Variants in FBXO11 observed in about 807,000 individuals in gnomAD.
The protein encoded by FBXO11 is F-box only protein 11.
In FBXO11, 13 loss-of-function variants were observed where a neutral mutation model predicts 117.0. That is an observed-to-expected ratio of 0.11 (90% CI 0.07 to 0.18). FBXO11 has a LOEUF of 0.18. Among genes scored for constraint, FBXO11 ranks in the 10% least tolerant of loss-of-function variants. The pLI is 1.00. For synonymous variants in FBXO11, 490 were observed against 380.5 expected (o/e 1.29, Z -3.35); for missense variants, 767 against 1,164.4 (o/e 0.66, Z 4.97).
chr2:47,885,692 T>C (rs1324148045), intron 1 of FBXO11, among the ~76,000 whole-genome samples: 3 of 151,928 alleles, frequency 2.0e-5, no homozygotes, highest in Non-Finnish European at 4.4e-5. Context: ...GGTGGTAGAG[T>C]AAAGCCTTGA....
chr2:47,821,059 T>TA (rs1327359386), intron 13 of FBXO11, among the ~76,000 whole-genome samples: 2 of 152,218 alleles, frequency 1.3e-5, no homozygotes, highest in African/African-American at 4.8e-5. Context: ...AATTAACTAT[T>TA]AAAAAACAGA....
chr2:47,900,619 CACACGTATACACACACGTACGTATAT>C (rs1558486390), intron 1 of FBXO11, among the ~76,000 whole-genome samples: 452 of 39,424 alleles, frequency 0.011, 30 homozygotes, highest in African/African-American at 0.031. Context: ...CACGTATATA[CACACGTATACACACACGTACGTATAT>C]ACACACGTAT....
At chr2:47,894,147 A>T (rs151059308) in intron 1 of FBXO11, among the ~76,000 whole-genome samples, 1 of 152,306 alleles carries the variant, frequency 6.6e-6, no homozygotes, top group African/African-American at 2.4e-5. Flanking sequence ...ACTTTAGTAC[A>T]AGCTTTCACT....
chr2:47,864,380 G>A (rs1432378589), intron 1 of FBXO11, among the ~76,000 whole-genome samples: 6 of 152,176 alleles, frequency 3.9e-5, no homozygotes, highest in African/African-American at 1.2e-4. Flanking sequence ...CTGAGGTCAG[G>A]AGTTCAAGAC....
rs533894032 is a variant in FBXO11, at chr2:47,834,956, T to C, written c.718-85A>G. On this transcript the variant is annotated intron_variant, in intron 5 of 22. Transcript: ENST00000403359. ...TAATGTACAATTGCATGAACAACTT[T>C]TATTACAAATCAAAAATAATTCTCA... 6.0e-4 allele frequency: 537 copies of C among 901,058 alleles called. 5 individuals carry two copies. The highest frequency in any genetic ancestry group is 7.2e-5 in the Non-Finnish European group (42 of 583,970). The allele number at this position is 901,058 out of a possible 1,614,324, so 55.8% of individuals were successfully genotyped here.
chr2:47,900,449 T>C (rs1382897589), intron 1 of FBXO11, among the ~76,000 whole-genome samples: 2 of 151,950 alleles, frequency 1.3e-5, no homozygotes. Context: ...ACAGAAAGTA[T>C]AACTAGCATT....
chr2:47,874,288 T>C (rs1417739936), intron 1 of FBXO11, among the ~76,000 whole-genome samples: 1 of 152,156 alleles, frequency 6.6e-6, no homozygotes, highest in Admixed American at 6.5e-5. Context: ...TTCTATTTTG[T>C]TGTGTTACAT....
intron 1 of FBXO11, among the ~76,000 whole-genome samples, chr2:47,841,523 G>C (rs1673010815): frequency 6.6e-6 from 1 of 152,096 alleles, no homozygotes; most frequent in Non-Finnish European, 1.5e-5. Context: ...AAACCTGTAA[G>C]AAACTCTACA....
intron 1 of FBXO11, chr2:47,865,755 A>T (rs1028453723): frequency 2.0e-5 from 3 of 152,218 alleles, no homozygotes; most frequent in African/African-American, 7.2e-5. Flanking sequence ...TATTAGAGTC[A>T]ACAAAATGTG....
At chr2:47,827,806 C>T (rs573258232) in intron 11 of FBXO11, among the ~76,000 whole-genome samples, 43 of 151,278 alleles carry the variant, frequency 2.8e-4, no homozygotes, top group African/African-American at 9.7e-4. Context: ...AAGCAATTTT[C>T]GTGCCTCAGC....
At chr2:47,840,510 G>C (rs1367741758) in intron 1 of FBXO11, among the ~76,000 whole-genome samples, 1 of 149,424 alleles carries the variant, frequency 6.7e-6, no homozygotes, top group Non-Finnish European at 1.5e-5. Flanking sequence ...GAGTGCAGTG[G>C]CCCGATCACA....
chr2:47,816,645 A>T (rs1306444110), intron 16 of FBXO11, among the ~76,000 whole-genome samples: 1 of 147,618 alleles, frequency 6.8e-6, no homozygotes, highest in Non-Finnish European at 1.5e-5. Flanking sequence ...TCACTCCTTG[A>T]TCCAGACTGT....
intron 1 of FBXO11, among the ~76,000 whole-genome samples, chr2:47,878,952 C>A (rs911935512): frequency 4.0e-5 from 6 of 149,284 alleles, no homozygotes; most frequent in African/African-American, 1.2e-4. Context: ...GCACTCCAAG[C>A]GAAACTCTGT....
intron 1 of FBXO11, among the ~76,000 whole-genome samples, chr2:47,856,639 G>T (rs569955365): frequency 6.6e-6 from 1 of 152,312 alleles, no homozygotes; most frequent in East Asian, 1.9e-4. Context: ...ATCAGTTAGT[G>T]GAGAACAAAA....
At position 47,905,529 on chromosome 2, in the gene FBXO11, A is replaced by AGGCGGCGGT. The variant is rs764506114; in HGVS notation, c.183_191dup (p.Pro64_Pro66dup). On this transcript the variant is annotated inframe_insertion, in exon 1 of 23. Coordinates refer to ENST00000403359, the MANE Select transcript of FBXO11 (RefSeq NM_001190274.2). ...TGTTCCGCTCCTGAGGCAGCGGCGGAGGCGGCGGTGGCGGCGGCGGAGGCT... is the reference window on the plus strand; with the variant it reads ...TGTTCCGCTCCTGAGGCAGCGGCGGAGGCGGCGGTGGCGGCGGTGGCGGCGGCGGAGGCT... 4.5e-5 allele frequency: 55 copies of AGGCGGCGGT among 1,235,350 alleles called. No homozygotes were observed. Among genetic ancestry groups the AGGCGGCGGT allele is most frequent in the Non-Finnish European group, 5.1e-5 (51 of 991,720 alleles). 76.5% of individuals were successfully genotyped at this position (1,235,350 alleles called of 1,614,324 possible). A position where few individuals can be genotyped will look rare whatever the true frequency, so the allele number is the denominator to read the frequency against.
intron 1 of FBXO11, among the ~76,000 whole-genome samples, chr2:47,869,038 G>A (rs1364251423): frequency 2.0e-5 from 3 of 152,186 alleles, no homozygotes; most frequent in Non-Finnish European, 4.4e-5. Context: ...TTAGCTAGGT[G>A]GCAATACTTT....
intron 1 of FBXO11, among the ~76,000 whole-genome samples, chr2:47,869,610 G>C (rs1313701655): frequency 6.6e-6 from 1 of 152,166 alleles, no homozygotes; most frequent in Non-Finnish European, 1.5e-5. Flanking sequence ...AAAGATCCAC[G>C]GCCAGCTGAA....
chr2:47,836,111 T>A lies in FBXO11; in HGVS notation c.588-110A>T, dbSNP rs1205070034. ...GGCCTCAAAAACTTGAGTAAGAAAGTAAGAATAGACAAAAATGAATATTAA... is the reference window on the plus strand; with the variant it reads ...GGCCTCAAAAACTTGAGTAAGAAAGAAAGAATAGACAAAAATGAATATTAA... On this transcript the variant is annotated intron_variant, in intron 4 of 22. Coordinates refer to ENST00000403359, the MANE Select transcript of FBXO11 (RefSeq NM_001190274.2). 6 of 669,614 alleles carry A rather than the reference T, an allele frequency of 9.0e-6. No homozygotes were observed. In the East Asian group the frequency reaches 1.6e-4, roughly 17 times the overall value. The allele number at this position is 669,614 out of a possible 1,614,324, so 41.5% of individuals were successfully genotyped here.
At chr2:47,854,004 G>A (rs1408095349) in intron 1 of FBXO11, among the ~76,000 whole-genome samples, 1 of 152,160 alleles carries the variant, frequency 6.6e-6, no homozygotes. Context: ...AGATAAAAAT[G>A]AATACTGTTC....
Sources: allele counts gnomAD v4.1 joint callset (sites outside exome capture counted in the v4.1 genomes callset), GRCh38; gene constraint gnomAD v4.1.1; transcripts MANE v1.5; gene names NCBI Gene and HGNC (gene_info 2026-07-23, HGNC 2026-07-21).